The following KIF2C variants were observed in gnomAD, a reference collection of about 807,000 sequenced individuals.
KIF2C encodes the protein kinesin-like protein KIF2C.
KIF2C carries 34 observed loss-of-function variants against 97.4 expected under a neutral mutation model. The observed-to-expected ratio is 0.35, with a 90% confidence interval of 0.27 to 0.46. KIF2C has a LOEUF of 0.46. KIF2C is among the 20% of genes least tolerant of loss of function. The pLI is 1.00. For missense variants in KIF2C, 750 were observed against 907.6 expected (o/e 0.83, Z 2.23); for synonymous variants, 313 against 318.2 (o/e 0.98, Z 0.17).
At position 44,760,320 on chromosome 1, in the gene KIF2C, TC is replaced by T; in HGVS notation, c.1411del (p.His471ThrfsTer21). 1 of 1,614,138 alleles carries T rather than the reference TC, an allele frequency of 6.2e-7. No homozygotes were observed. The highest frequency in any genetic ancestry group is 8.5e-7 in the Non-Finnish European group (1 of 1,180,038). The part of the protein sequence containing the change: ...QTFANSNSSR[S>X]HACFQIILRA... ...ATTTGCCAACTCCAATTCCTCCCGC[TC>T]CCACGCGTGCTTCCAAATTATTCTT... is the stretch of plus-strand genomic sequence containing the variant. On this transcript the variant is annotated frameshift_variant, in exon 15 of 21. Coordinates refer to ENST00000372224, the MANE Select transcript of KIF2C (RefSeq NM_006845.4). LOFTEE classifies it high-confidence loss of function. The surrounding 1 kb of genome is among the most constrained non-coding windows in gnomAD (Gnocchi z 4.2).
Position 44,760,443 on chromosome 1 carries a change from A to G in KIF2C, c.1531A>G (p.Met511Val), listed in dbSNP as rs1344423280. ...TTCCAGTGCTGACCGGCAGACCCGCATGGAGGGCGCAGAAATCAACAAGAG... is the reference window on the plus strand; with the variant it reads ...TTCCAGTGCTGACCGGCAGACCCGCGTGGAGGGCGCAGAAATCAACAAGAG... The part of the protein sequence containing the change: ...DTSSADRQTR[M>V]EGAEINKSLL... The change falls in exon 15 of 21, where the codon ATG (methionine) becomes GTG (valine). Residue 511 changes from methionine to valine, a missense_variant. Transcript: ENST00000372224. The surrounding 1 kb of genome is among the most constrained non-coding windows in gnomAD (Gnocchi z 4.2). 2 of 1,614,076 alleles carry G rather than the reference A, an allele frequency of 1.2e-6. No homozygotes were observed. Among genetic ancestry groups the G allele is most frequent in the South Asian group, 1.1e-5 (1 of 91,080 alleles).
At chr1:44,750,190 A>G (rs1460324257) in intron 4 of KIF2C, 3 of 303,440 alleles carry the variant, frequency 9.9e-6, no homozygotes, top group Non-Finnish European at 1.8e-5. Flanking sequence ...GTACTTACTC[A>G]AGACAGCCGC....
chr1:44,751,507 CT>C (rs58381189), intron 5 of KIF2C, among the ~76,000 whole-genome samples: 3,381 of 125,630 alleles, frequency 0.027, 56 homozygotes, highest in Admixed American at 0.048. Flanking sequence ...TCTTTTTGTA[CT>C]TTTTTTTTTT....
At chr1:44,762,132 C>A in intron 17 of KIF2C, 149 bp downstream of exon 17, 1 of 862,234 alleles carries the variant, frequency 1.2e-6, no homozygotes, top group Non-Finnish European at 2.0e-6. Context: ...CGCCGTGATG[C>A]TAGGTCTGTC....
chr1:44,764,175 C>CTA (rs1161100610), intron 19 of KIF2C, among the ~76,000 whole-genome samples: 3 of 152,154 alleles, frequency 2.0e-5, no homozygotes, highest in South Asian at 2.1e-4. Context: ...TGTACTCTCT[C>CTA]TCTATATATA....
At chr1:44,757,780 A>G (rs1297238643) in intron 11 of KIF2C, 128 bp from the exon 12 acceptor site, 3 of 1,136,022 alleles carry the variant, frequency 2.6e-6, no homozygotes, top group African/African-American at 3.1e-5. Context: ...TTGCCATGTC[A>G]GATGCAGGGA....
At position 44,745,997 on chromosome 1, in the gene KIF2C, C is replaced by T. The variant is rs1234344517; in HGVS notation, c.166-1387C>T. 2.6e-5 allele frequency among the ~76,000 whole-genome samples: 4 copies of T among 152,270 alleles called. No homozygotes were observed. In the East Asian group the frequency reaches 7.7e-4, roughly 29 times the overall value. ...GTTCACGCCATTCTCCTGCCTCAGG[C>T]TCCTGAGTAGCTGGGATTACAGGTG... On this transcript the variant is annotated intron_variant, in intron 2 of 20. Coordinates refer to ENST00000372224, the MANE Select transcript of KIF2C (RefSeq NM_006845.4).
In KIF2C at chr1:44,746,827, TAA is replaced by T; in HGVS notation, c.166-555_166-554del. 3 of 1,497,414 alleles carry T rather than the reference TAA, an allele frequency of 2.0e-6. No homozygotes were observed. In the Admixed American group the frequency reaches 6.1e-5, roughly 30 times the overall value. 92.8% of individuals were successfully genotyped at this position (1,497,414 alleles called of 1,614,324 possible). The stretch of plus-strand genomic sequence containing the variant: ...CATACTTAGTGGAACTTAAAGTTGG[TAA>T]AGTTTGAATTTAGGGGTACCCCTGT... On this transcript the variant is annotated intron_variant, in intron 2 of 20. Transcript: ENST00000372224.
intron 13 of KIF2C, 129 bp downstream of exon 13, chr1:44,758,269 G>A: frequency 1.3e-6 from 1 of 749,202 alleles, no homozygotes; most frequent in Non-Finnish European, 2.3e-6. Flanking sequence ...GGGCCATTCT[G>A]CCCTGGCATA....
chr1:44,753,797 G>C lies in KIF2C; in HGVS notation c.627G>C (p.Lys209Asn). ...EKMKNKREEK[K>N]AQNSEMRMKR... ...TGAAGAACAAGCGAGAAGAGAAGAA[G>C]GCCCAGAACTCTGAAATGAGAATGA... The change falls in exon 7 of 21, where the codon AAG (lysine) becomes AAC (asparagine). Residue 209 changes from lysine (K) to asparagine (N), a missense_variant. Transcript: ENST00000372224. The C allele has an allele frequency of 6.2e-7, 1 of 1,612,366 alleles. No homozygotes were observed. The highest frequency in any genetic ancestry group is 8.5e-7 in the Non-Finnish European group (1 of 1,179,278).
In KIF2C at chr1:44,742,718, C is replaced by CA. The variant is rs5773851; in HGVS notation, c.165+1730dup. Reference sequence around the variant, plus strand: ...TGGGCAACAGAGTGAAACTTCGTCTCAAAAAAAAAAAAAAAAAAACAAACT... The same window carrying CA: ...TGGGCAACAGAGTGAAACTTCGTCTCAAAAAAAAAAAAAAAAAAAACAAACT... On this transcript the variant is annotated intron_variant, in intron 2 of 20. Transcript: ENST00000372224. Among the ~76,000 whole-genome samples the CA allele has an allele frequency of 9.0e-3, 785 of 87,076 alleles. 10 individuals are homozygous for CA. Among genetic ancestry groups the CA allele is most frequent in the East Asian group, 0.02 (38 of 1,932 alleles). The allele number at this position is 87,076 out of a possible 152,430, so 57.1% of individuals were successfully genotyped here. A position where few individuals can be genotyped will look rare whatever the true frequency, so the allele number is the denominator to read the frequency against.
chr1:44,757,725 GT>G, intron 11 of KIF2C, 79 bp downstream of exon 11: 2 of 1,169,246 alleles, frequency 1.7e-6, no homozygotes, highest in South Asian at 2.5e-5. Flanking sequence ...CAATGAGTTT[GT>G]TGAGAAAGGC....
chr1:44,757,367 T>C (rs1649900449), intron 10 of KIF2C, among the ~76,000 whole-genome samples, 189 bp from the exon 11 acceptor site: 1 of 152,156 alleles, frequency 6.6e-6, no homozygotes, highest in Admixed American at 6.6e-5. Flanking sequence ...CCCATCCCAC[T>C]GCCAGTTTGC....
chr1:44,759,052 A>G (rs1198570494), intron 13 of KIF2C, 154 bp from the exon 14 acceptor site: 6 of 919,430 alleles, frequency 6.5e-6, no homozygotes, highest in Middle Eastern at 3.5e-4. Context: ...TCCCAAGTAT[A>G]TTGACCTCTG....
In KIF2C at chr1:44,762,420, C is replaced by G. The variant is rs1158614266; in HGVS notation, c.1826C>G (p.Ala609Gly). 1.2e-6 allele frequency: 2 copies of G among 1,614,144 alleles called. No homozygotes were observed. Among genetic ancestry groups the G allele is most frequent in the Non-Finnish European group, 1.7e-6 (2 of 1,180,032 alleles). ...CAAATGGAAACAGAAGAGATGGAAG[C>G]CTGCTCTAACGGGGCGCTGATTCCA... ...LIQMETEEME[A>G]CSNGALIPGN... Residue 609 changes from alanine (A) to glycine (G), a missense_variant, in exon 18 of 21, where the codon GCC becomes GGC. Transcript: ENST00000372224.
At chr1:44,755,133 T>C (rs1324384251) in intron 8 of KIF2C, among the ~76,000 whole-genome samples, 2 of 152,152 alleles carry the variant, frequency 1.3e-5, no homozygotes, top group Non-Finnish European at 2.9e-5. Context: ...ATTTTTTGTA[T>C]TTTTGGTAGA....
intron 7 of KIF2C, among the ~76,000 whole-genome samples, chr1:44,754,389 G>A (rs1217285063): frequency 1.3e-5 from 2 of 152,202 alleles, no homozygotes; most frequent in East Asian, 3.8e-4. Flanking sequence ...CAGAGGGGCT[G>A]CAGGGCACAA....
chr1:44,753,589 A>G, intron 6 of KIF2C, 144 bp from the exon 7 acceptor site: 1 of 603,734 alleles, frequency 1.7e-6, no homozygotes, highest in Non-Finnish European at 2.9e-6. Flanking sequence ...TTTTGCATAT[A>G]GTGATTTAAG....
Position 44,762,056 on chromosome 1 carries a change from A to G in KIF2C, c.1751+73A>G, listed in dbSNP as rs1650172434. 2.2e-6 allele frequency: 3 copies of G among 1,380,254 alleles called. No individual in the cohort carries two copies. In the Admixed American group the frequency reaches 5.0e-5, roughly 23 times the overall value. 85.5% of individuals were successfully genotyped at this position (1,380,254 alleles called of 1,614,324 possible). Reference sequence around the variant, plus strand: ...GGAAGGGCAGTGATGAGAGGGGAGGAGGCTCTGGGGCCTCAGGGCCTACTG... The same window carrying G: ...GGAAGGGCAGTGATGAGAGGGGAGGGGGCTCTGGGGCCTCAGGGCCTACTG... On this transcript the variant is annotated intron_variant, in intron 17 of 20. Transcript: ENST00000372224.
Sources: allele counts gnomAD v4.1 joint callset (sites outside exome capture counted in the v4.1 genomes callset), GRCh38; gene constraint gnomAD v4.1.1; non-coding constraint Gnocchi (gnomAD v3.1); transcripts MANE v1.5; gene names NCBI Gene and HGNC (gene_info 2026-07-23, HGNC 2026-07-21).